Variants in SPAG16 observed in about 807,000 individuals in gnomAD.
The protein encoded by SPAG16 is sperm associated antigen 16.
SPAG16 carries 86 observed loss-of-function variants against 80.4 expected under a neutral mutation model. That is an observed-to-expected ratio of 1.07 (90% confidence interval 0.90 to 1.28). The LOEUF is 1.28. Ranked by LOEUF, SPAG16 falls within the 50% of genes most tolerant of loss-of-function variation. The pLI, the probability that SPAG16 is intolerant of heterozygous loss-of-function variation, is 0.00. For missense variants in SPAG16, 870 were observed against 765.3 expected (o/e 1.14, Z -1.61); for synonymous variants, 294 against 265.9 (o/e 1.11, Z -1.03).
chr2:213,311,240 A>G (rs867029582), intron 4 of SPAG16, among the ~76,000 whole-genome samples: 1 of 151,720 alleles, frequency 6.6e-6, no homozygotes, highest in African/African-American at 2.4e-5. Context: ...TTATAAAAAT[A>G]TCCCTAAGAA....
chr2:213,915,264 T>A (rs1475528766), intron 11 of SPAG16, among the ~76,000 whole-genome samples: 3 of 152,144 alleles, frequency 2.0e-5, no homozygotes, highest in Admixed American at 1.3e-4. Flanking sequence ...TTTCTTCTAA[T>A]GCTATCCCTC....
intron 9 of SPAG16, among the ~76,000 whole-genome samples, chr2:213,431,026 C>G (rs1159414568): frequency 1.3e-5 from 2 of 152,110 alleles, no homozygotes; most frequent in South Asian, 4.1e-4. Context: ...CAAGCAAACA[C>G]TGAGGAATTT....
At chr2:214,307,317 T>C (rs560499832) in intron 15 of SPAG16, among the ~76,000 whole-genome samples, 2 of 152,176 alleles carry the variant, frequency 1.3e-5, no homozygotes, top group East Asian at 3.9e-4. Context: ...CTATCTATTT[T>C]ATTAATTTTT....
rs558534808 is a variant in SPAG16 at position 214,261,107 on chromosome 2, C to CAAAAAAAAAAAAA, written c.1720+111875_1720+111887dup. On this transcript the variant is annotated intron_variant, in intron 15 of 15. Coordinates refer to ENST00000331683, the MANE Select transcript of SPAG16 (RefSeq NM_024532.5). Reference sequence around the variant, plus strand: ...GGGCTACAAGAGCAAGACTCAGTCTCAAAAAAAAAAAAAAAAAAAAAAAAA... The same window carrying CAAAAAAAAAAAAA: ...GGGCTACAAGAGCAAGACTCAGTCTCAAAAAAAAAAAAAAAAAAAAAAAAAAAAAAAAAAAAAA... 3.7e-4 allele frequency among the ~76,000 whole-genome samples: 20 copies of CAAAAAAAAAAAAA among 54,468 alleles called. 1 individual carries two copies. Among genetic ancestry groups the CAAAAAAAAAAAAA allele is most frequent in the South Asian group, 8.9e-4 (1 of 1,118 alleles). 35.7% of individuals were successfully genotyped at this position (54,468 alleles called of 152,430 possible).
intron 11 of SPAG16, among the ~76,000 whole-genome samples, chr2:213,907,392 A>T (rs555604180): frequency 9.2e-5 from 14 of 152,196 alleles, no homozygotes; most frequent in African/African-American, 2.9e-4. Flanking sequence ...TGCTGGTGAG[A>T]ATGCAGAGAA....
rs371933810 is a variant in SPAG16 at position 214,108,257 on chromosome 2, C to G, written c.1589C>G (p.Pro530Arg). The change falls in exon 14 of 16, where the codon CCC becomes CGC. Residue 530 changes from proline (P) to arginine (R), a missense_variant. Pro to Arg is a moderately radical substitution (Grantham distance 103, BLOSUM62 -2). Transcript: ENST00000331683. Reference protein sequence around the residue: ...MHSINDAIFDPRGHMIASCDA... With the variant: ...MHSINDAIFDRRGHMIASCDA... ...TCTATCAATGATGCCATTTTTGATC[C>G]CAGGGTAAGTTCAGTTCTCCCAGTA... The G allele has an allele frequency of 1.4e-5, 23 of 1,600,412 alleles. No homozygotes were observed. Among genetic ancestry groups the G allele is most frequent in the Non-Finnish European group, 2.0e-5 (23 of 1,169,964 alleles).
At chr2:214,288,626 A>G (rs571123077) in intron 15 of SPAG16, among the ~76,000 whole-genome samples, 1 of 152,142 alleles carries the variant, frequency 6.6e-6, no homozygotes, top group South Asian at 2.1e-4. Context: ...AGCCATTTTA[A>G]CTGGGATAAA....
intron 10 of SPAG16, among the ~76,000 whole-genome samples, chr2:213,508,973 T>G (rs2075104566): frequency 6.6e-6 from 1 of 150,644 alleles, no homozygotes; most frequent in Admixed American, 6.6e-5. Context: ...TGTTGTTATT[T>G]TCTATACAAT....
chr2:213,831,916 A>G (rs2073683826), intron 10 of SPAG16, among the ~76,000 whole-genome samples: 1 of 152,172 alleles, frequency 6.6e-6, no homozygotes, highest in African/African-American at 2.4e-5. Context: ...GAGAAAACGC[A>G]GTCTTGCTCC....
chr2:213,638,265 A>G (rs1425820984), intron 10 of SPAG16, among the ~76,000 whole-genome samples: 2 of 151,660 alleles, frequency 1.3e-5, no homozygotes, highest in African/African-American at 2.4e-5. Context: ...GATCTCGCTT[A>G]TGTCTTTTCT....
intron 10 of SPAG16, among the ~76,000 whole-genome samples, chr2:213,550,789 A>T (rs2076756287): frequency 6.6e-6 from 1 of 152,164 alleles, no homozygotes; most frequent in Non-Finnish European, 1.5e-5. Flanking sequence ...GATCACCTTT[A>T]TATCATTGCT....
chr2:213,698,041 T>A (rs75847619), intron 10 of SPAG16, among the ~76,000 whole-genome samples: 5,448 of 152,276 alleles, frequency 0.036, 332 homozygotes, highest in African/African-American at 0.12. Context: ...GCTCTTATTC[T>A]TAATTCCAGT....
chr2:214,314,399 A>C (rs1695541590), intron 15 of SPAG16, among the ~76,000 whole-genome samples: 1 of 152,226 alleles, frequency 6.6e-6, no homozygotes, highest in African/African-American at 2.4e-5. Flanking sequence ...ACTAAGTGCT[A>C]ACTTTAATCT....
intron 10 of SPAG16, among the ~76,000 whole-genome samples, chr2:213,720,743 T>A (rs1273023659): frequency 3.3e-4 from 1 of 3,026 alleles, no homozygotes; most frequent in African/African-American, 3.7e-4. Context: ...AAGTAAGTCC[T>A]TTTTTTTTTT....
intron 10 of SPAG16, among the ~76,000 whole-genome samples, chr2:213,753,665 G>C (rs1238965713): frequency 4.6e-5 from 7 of 152,184 alleles, no homozygotes; most frequent in Non-Finnish European, 1.0e-4. Context: ...TCTAGGACTA[G>C]TACTACAGAG....
At chr2:214,141,980 C>A (rs959770857) in intron 14 of SPAG16, among the ~76,000 whole-genome samples, 6 of 152,128 alleles carry the variant, frequency 3.9e-5, no homozygotes, top group Admixed American at 3.3e-4. Context: ...TTCTGACTGT[C>A]TTTACATTAT....
intron 15 of SPAG16, among the ~76,000 whole-genome samples, chr2:214,365,435 C>T (rs1423209917): frequency 6.6e-6 from 1 of 152,094 alleles, no homozygotes; most frequent in African/African-American, 2.4e-5. Context: ...TGTGATCTAA[C>T]AGTTGAAGCA....
intron 10 of SPAG16, among the ~76,000 whole-genome samples, chr2:213,820,684 T>A (rs902144521): frequency 3.9e-5 from 6 of 152,070 alleles, no homozygotes; most frequent in Non-Finnish European, 8.8e-5. Flanking sequence ...ATTTGCTATA[T>A]ATATTTTATT....
intron 11 of SPAG16, chr2:213,924,076 G>C (rs1284724443): frequency 2.0e-5 from 3 of 152,380 alleles, no homozygotes; most frequent in African/African-American, 7.2e-5. Flanking sequence ...GCTGAAGTGG[G>C]ACTGATGGGC....
Sources: gnomAD v4.1 joint callset for allele counts (sites outside exome capture counted in the v4.1 genomes callset) on GRCh38, gnomAD v4.1.1 for gene constraint, MANE v1.5 for transcripts, NCBI Gene and HGNC (gene_info 2026-07-23, HGNC 2026-07-21) for gene names.